Variants in SLA2 observed in about 807,000 individuals in gnomAD.
The protein encoded by SLA2 is src-like-adapter 2.
A neutral mutation model predicts 27.3 loss-of-function variants in SLA2; 22 were observed. The observed-to-expected ratio is 0.81, with a 90% CI of 0.58 to 1.15. The LOEUF (loss-of-function observed/expected upper bound fraction) is 1.15, where lower values mean the gene tolerates loss of function less well. SLA2 is among the 50% of genes most tolerant of loss of function. The probability of loss-of-function intolerance (pLI) is 0.00; values close to 1 mark genes in which losing one functional copy is unlikely to be tolerated. For synonymous variants in SLA2, 131 were observed against 137.8 expected (o/e 0.95, Z 0.34); for missense variants, 304 against 322.2 (o/e 0.94, Z 0.43).
intron 2 of SLA2, among the ~76,000 whole-genome samples, chr20:36,639,321 G>T (rs577600335): frequency 2.6e-5 from 4 of 151,946 alleles, no homozygotes; most frequent in African/African-American, 9.7e-5. Flanking sequence ...TTTTCCCTGG[G>T]TCTCCAGTCT....
intron 5 of SLA2, chr20:36,620,539 A>T (rs938834100): frequency 4.4e-4 from 76 of 171,624 alleles, no homozygotes; most frequent in African/African-American, 1.7e-3. Flanking sequence ...TATAGTTTTT[A>T]AAATTGTTCA....
intron 5 of SLA2, among the ~76,000 whole-genome samples, chr20:36,629,981 CAG>C (rs2039377810): frequency 6.6e-6 from 1 of 151,874 alleles, no homozygotes; most frequent in East Asian, 1.9e-4. Context: ...TTCTCACTCA[CAG>C]AGTTTTCTCT....
chr20:36,645,769 G>C (rs146852846), intron 1 of SLA2, 68 bp downstream of exon 1: 1 of 152,232 alleles, frequency 6.6e-6, no homozygotes, highest in African/African-American at 2.4e-5. Flanking sequence ...AGTCCCAGTC[G>C]GGGCAGGGGA....
chr20:36,635,850 GCCTCA>G (rs1359732117), intron 2 of SLA2, among the ~76,000 whole-genome samples: 1 of 152,102 alleles, frequency 6.6e-6, no homozygotes, highest in Non-Finnish European at 1.5e-5. Context: ...CCCCTGAATG[GCCTCA>G]CTCTGCCTGG....
intron 1 of SLA2, among the ~76,000 whole-genome samples, chr20:36,644,586 A>G (rs1978286219): frequency 6.6e-6 from 1 of 152,176 alleles, no homozygotes; most frequent in South Asian, 2.1e-4. Context: ...TCAGGCTGAA[A>G]GCCTCCCCAA....
intron 2 of SLA2, among the ~76,000 whole-genome samples, chr20:36,635,198 G>GC (rs2147992947): frequency 6.6e-6 from 1 of 151,102 alleles, no homozygotes; most frequent in African/African-American, 2.5e-5. Flanking sequence ...TGACCGCCGA[G>GC]CCTTGTAGCC....
chr20:36,620,286 G>A (rs2039267204), intron 5 of SLA2: 1 of 152,454 alleles, frequency 6.6e-6, no homozygotes, highest in African/African-American at 2.4e-5. Flanking sequence ...TACTCAGGGA[G>A]CTAAGAATCA....
intron 1 of SLA2, among the ~76,000 whole-genome samples, chr20:36,642,394 T>C: frequency 6.6e-6 from 1 of 150,498 alleles, no homozygotes; most frequent in East Asian, 2.0e-4. Context: ...TGAATGTCAG[T>C]TCATCAGCGG....
At chr20:36,614,508 C>T (rs537290819) in intron 6 of SLA2, 71 bp from the exon 7 acceptor site, 4 of 1,518,926 alleles carry the variant, frequency 2.6e-6, no homozygotes, top group African/African-American at 1.4e-5. Flanking sequence ...CTCACCCTGA[C>T]AGCCCTCTGC....
intron 5 of SLA2, among the ~76,000 whole-genome samples, chr20:36,618,495 C>G (rs1281306474): frequency 6.6e-6 from 1 of 152,002 alleles, no homozygotes; most frequent in Non-Finnish European, 1.5e-5. Context: ...CTTGGCCTCT[C>G]AAAGTGCTGG....
At chr20:36,615,446 A>AAGAT (rs1010691003) in intron 5 of SLA2, 72 bp from the exon 6 acceptor site, 1 of 1,593,334 alleles carries the variant, frequency 6.3e-7, no homozygotes, top group African/African-American at 1.3e-5. Context: ...CTGGGAAACG[A>AAGAT]AGATAGGCAA....
At chr20:36,631,043 A>ATCACCTCCTAGT (rs2039388790) in intron 5 of SLA2, among the ~76,000 whole-genome samples, 2 of 152,194 alleles carry the variant, frequency 1.3e-5, no homozygotes, top group Non-Finnish European at 2.9e-5. Flanking sequence ...GTCTTGGGGA[A>ATCACCTCCTAGT]GGAGGAATCA....
At chr20:36,645,233 GGTACATGC>G (rs1978287019) in intron 1 of SLA2, among the ~76,000 whole-genome samples, 1 of 148,918 alleles carries the variant, frequency 6.7e-6, no homozygotes, top group African/African-American at 2.5e-5. Flanking sequence ...TGGGCATGGT[GGTACATGC>G]CTGTAGTCTC....
At chr20:36,629,576 T>A (rs957563031) in intron 5 of SLA2, among the ~76,000 whole-genome samples, 3 of 151,150 alleles carry the variant, frequency 2.0e-5, no homozygotes, top group African/African-American at 4.9e-5. Flanking sequence ...GAGTTTGAGA[T>A]CAGCCTGGCC....
At chr20:36,616,416 C>T (rs190748012) in intron 5 of SLA2, among the ~76,000 whole-genome samples, 23 of 151,028 alleles carry the variant, frequency 1.5e-4, no homozygotes, top group African/African-American at 5.4e-4. Flanking sequence ...CTGCAACCTC[C>T]GCCTCCTGGG....
chr20:36,632,746 A>C (rs778334745), intron 4 of SLA2, 48 bp from the exon 5 acceptor site: 33 of 1,515,732 alleles, frequency 2.2e-5, no homozygotes, highest in Non-Finnish European at 3.0e-5. Context: ...GCCTGGAGGA[A>C]GAGGGAAGCC....
chr20:36,636,469 G>A (rs1221436356), intron 2 of SLA2, among the ~76,000 whole-genome samples: 3 of 149,096 alleles, frequency 2.0e-5, no homozygotes, highest in African/African-American at 7.4e-5. Context: ...GCCCTATGTG[G>A]TGGTGCACGC....
At chr20:36,637,100 T>C (rs1348400009) in intron 2 of SLA2, among the ~76,000 whole-genome samples, 2 of 152,068 alleles carry the variant, frequency 1.3e-5, no homozygotes, top group Non-Finnish European at 2.9e-5. Flanking sequence ...GGCTCATCAG[T>C]GTTTGCTTGT....
At chr20:36,627,709 G>T (rs933344220) in intron 5 of SLA2, among the ~76,000 whole-genome samples, 8 of 152,188 alleles carry the variant, frequency 5.3e-5, no homozygotes, top group African/African-American at 1.9e-4. Flanking sequence ...AAGCTTCTAG[G>T]CCCCCTTCAC....
Sources: allele counts gnomAD v4.1 joint callset (sites outside exome capture counted in the v4.1 genomes callset), GRCh38; gene constraint gnomAD v4.1.1; transcripts MANE v1.5; gene names NCBI Gene and HGNC (gene_info 2026-07-23, HGNC 2026-07-21).